Variants in ASIC2 observed in about 807,000 individuals in gnomAD.
ASIC2 encodes the protein acid sensing ion channel subunit 2.
In ASIC2, 25 loss-of-function variants were observed where a neutral mutation model predicts 57.3. That is an observed-to-expected ratio of 0.44 (90% CI 0.32 to 0.61). ASIC2 has a LOEUF of 0.61. Ranked by LOEUF, ASIC2 falls within the 20% of genes least tolerant of loss-of-function variation. ASIC2 has a pLI of 0.06. For missense variants in ASIC2, 641 were observed against 738.1 expected (o/e 0.87, Z 1.52); for synonymous variants, 319 against 307.5 (o/e 1.04, Z -0.39).
intron 1 of ASIC2, among the ~76,000 whole-genome samples, chr17:33,872,586 G>C (rs1187554191): frequency 4.6e-5 from 7 of 152,098 alleles, no homozygotes; most frequent in Admixed American, 3.9e-4. Flanking sequence ...GGGAGGTCTG[G>C]AGAATCTCAC....
chr17:34,144,030 T>G (rs959513741), intron 1 of ASIC2, among the ~76,000 whole-genome samples: 1 of 152,230 alleles, frequency 6.6e-6, no homozygotes, highest in African/African-American at 2.4e-5. Flanking sequence ...TAGAAAGCAT[T>G]TAGGATATAA....
intron 1 of ASIC2, among the ~76,000 whole-genome samples, chr17:33,406,358 T>G (rs1910473660): frequency 1.3e-5 from 2 of 152,218 alleles, no homozygotes; most frequent in Non-Finnish European, 2.9e-5. Flanking sequence ...AACATTCCTC[T>G]TTCAATGTGG....
At chr17:33,256,771 G>C (rs1048036832) in intron 1 of ASIC2, among the ~76,000 whole-genome samples, 1 of 152,194 alleles carries the variant, frequency 6.6e-6, no homozygotes, top group African/African-American at 2.4e-5. Flanking sequence ...GGCAGAGGTT[G>C]CAGTGAGCCA....
chr17:33,238,678 G>C (rs1399579466), intron 1 of ASIC2, among the ~76,000 whole-genome samples: 1 of 152,152 alleles, frequency 6.6e-6, no homozygotes, highest in African/African-American at 2.4e-5. Flanking sequence ...CCTCTGCCTG[G>C]AATGTTTTCC....
intron 1 of ASIC2, among the ~76,000 whole-genome samples, chr17:33,735,926 G>A (rs1909896876): frequency 6.6e-6 from 1 of 151,868 alleles, no homozygotes; most frequent in East Asian, 1.9e-4. Flanking sequence ...ATTTTCCTTT[G>A]GCATGAATGA....
chr17:33,344,643 G>A (rs1447189225), intron 1 of ASIC2, among the ~76,000 whole-genome samples: 3 of 152,158 alleles, frequency 2.0e-5, no homozygotes, highest in Non-Finnish European at 4.4e-5. Flanking sequence ...ATGAGATAGT[G>A]TGTTGAATCA....
chr17:33,069,659 A>ACTTTGTT (rs1318968085), intron 3 of ASIC2, among the ~76,000 whole-genome samples: 14 of 152,132 alleles, frequency 9.2e-5, no homozygotes, highest in African/African-American at 3.4e-4. Flanking sequence ...AGCCATTTCA[A>ACTTTGTT]CTTTGTTTTT....
intron 1 of ASIC2, among the ~76,000 whole-genome samples, chr17:33,216,886 T>C (rs964768494): frequency 3.3e-5 from 5 of 151,720 alleles, no homozygotes; most frequent in Non-Finnish European, 7.4e-5. Context: ...AGTCAGGGGG[T>C]TGTTTGAATA....
intron 1 of ASIC2, among the ~76,000 whole-genome samples, chr17:33,475,582 G>C (rs1913193937): frequency 6.6e-6 from 1 of 152,198 alleles, no homozygotes; most frequent in Non-Finnish European, 1.5e-5. Context: ...TCCTTCTAAT[G>C]ATGGGGGTTA....
intron 1 of ASIC2, among the ~76,000 whole-genome samples, chr17:33,242,186 G>A (rs1208456816): frequency 6.6e-6 from 1 of 151,916 alleles, no homozygotes; most frequent in Non-Finnish European, 1.5e-5. Flanking sequence ...GCATGGTGGT[G>A]GGCGCCTGTA....
In ASIC2 at chr17:33,728,328, G is replaced by T. The variant is rs552979406; in HGVS notation, c.555+427650C>A. On this transcript the variant is annotated intron_variant, in intron 1 of 9. Coordinates refer to the ASIC2 transcript ENST00000359872. ...CCAGACCTCACCACAGACTCAGGCT[G>T]AGGCTGAGAGTTCCCCTAAAATTGT... Among the ~76,000 whole-genome samples the T allele has an allele frequency of 2.0e-3, 308 of 152,232 alleles. 1 individual carries two copies. The highest frequency in any genetic ancestry group is 7.1e-3 in the African/African-American group (296 of 41,554).
intron 1 of ASIC2, among the ~76,000 whole-genome samples, chr17:34,065,432 C>G (rs1276030361): frequency 6.6e-6 from 1 of 151,932 alleles, no homozygotes; most frequent in African/African-American, 2.4e-5. Flanking sequence ...GATATGTGCA[C>G]CAAAATCTCA....
intron 1 of ASIC2, among the ~76,000 whole-genome samples, chr17:33,839,310 C>T (rs1434836576): frequency 6.6e-6 from 1 of 152,198 alleles, no homozygotes; most frequent in Non-Finnish European, 1.5e-5. Flanking sequence ...TACCCAGGAA[C>T]ATTGGGTGAA....
intron 1 of ASIC2, among the ~76,000 whole-genome samples, chr17:33,135,404 T>G (rs1403461496): frequency 1.3e-5 from 2 of 152,212 alleles, no homozygotes; most frequent in Non-Finnish European, 2.9e-5. Context: ...TGGGTCTTGT[T>G]CCCGGATTAA....
At chr17:33,619,108 A>C (rs1446225804) in intron 1 of ASIC2, among the ~76,000 whole-genome samples, 3 of 152,186 alleles carry the variant, frequency 2.0e-5, no homozygotes, top group African/African-American at 7.2e-5. Flanking sequence ...ATTAGAACAA[A>C]ATATGTAGGG....
intron 1 of ASIC2, among the ~76,000 whole-genome samples, chr17:33,335,795 C>T (rs751870477): frequency 1.3e-4 from 20 of 152,188 alleles, no homozygotes; most frequent in Non-Finnish European, 2.6e-4. Context: ...GGAGCACTTA[C>T]ACCATGTTAG....
At chr17:33,027,337 A>C (rs1002071468) in intron 4 of ASIC2, among the ~76,000 whole-genome samples, 2 of 152,216 alleles carry the variant, frequency 1.3e-5, no homozygotes, top group Non-Finnish European at 2.9e-5. Flanking sequence ...TTGGTAATGA[A>C]CCAAATGTCC....
intron 1 of ASIC2, among the ~76,000 whole-genome samples, chr17:33,538,866 GT>G (rs1413787092): frequency 2.0e-5 from 3 of 152,170 alleles, no homozygotes; most frequent in African/African-American, 7.2e-5. Flanking sequence ...TGAAATTTGA[GT>G]TTAGTAATGA....
chr17:33,510,516 A>C (rs1914398813), intron 1 of ASIC2, among the ~76,000 whole-genome samples: 1 of 152,040 alleles, frequency 6.6e-6, no homozygotes, highest in Non-Finnish European at 1.5e-5. Flanking sequence ...GTGGTGGTGC[A>C]TGCCACACCC....
Sources: allele counts gnomAD v4.1 joint callset (sites outside exome capture counted in the v4.1 genomes callset), GRCh38; gene constraint gnomAD v4.1.1; transcripts MANE v1.5; gene names NCBI Gene and HGNC (gene_info 2026-07-23, HGNC 2026-07-21).